Variants in EXOC5 observed in about 807,000 individuals in gnomAD.
The protein encoded by EXOC5 is SEC10-like 1.
In EXOC5, 17 loss-of-function variants were observed where a neutral mutation model predicts 90.8. That is an observed-to-expected ratio of 0.19 (90% CI 0.13 to 0.28). EXOC5 has a LOEUF of 0.28. Among genes scored for constraint, EXOC5 ranks in the 10% least tolerant of loss-of-function variants. The pLI is 1.00. For missense variants in EXOC5, 569 were observed against 830.6 expected (o/e 0.69, Z 3.87); for synonymous variants, 260 against 270.0 (o/e 0.96, Z 0.36).
At chr14:57,223,175 G>C (rs1257178494) in intron 12 of EXOC5, among the ~76,000 whole-genome samples, 1 of 152,028 alleles carries the variant, frequency 6.6e-6, no homozygotes, top group African/African-American at 2.4e-5. Flanking sequence ...TGCACATAGT[G>C]AGCTTACAAT....
chr14:57,231,609 A>G lies in EXOC5; in HGVS notation c.1045T>C (p.Tyr349His). ...AAATATCCAGTCTCCACCTCAATAT[A>G]GTTCTCCAAATAGGAAATGAAAATG... is the stretch of plus-strand genomic sequence containing the variant. ...KSIFISYLEN[Y>H]IEVETGYLKS... Residue 349 changes from tyrosine to histidine, a missense_variant, in exon 11 of 18, where the codon TAT becomes CAT. Tyr to His is a moderately conservative substitution (Grantham distance 83). This residue lies in a region of EXOC5 where 69 missense variants were observed against 115.5 expected (regional missense o/e 0.60). Transcript: ENST00000621441. 1.9e-6 allele frequency: 3 copies of G among 1,612,942 alleles called. No individual in the cohort carries two copies. The highest frequency in any genetic ancestry group is 2.5e-6 in the Non-Finnish European group (3 of 1,179,122).
In EXOC5 at chr14:57,203,554, T is replaced by C. The variant is rs1471666142; in HGVS notation, c.*5055A>G. On this transcript the variant is annotated 3_prime_UTR_variant, in exon 18 of 18. Coordinates refer to ENST00000621441, the MANE Select transcript of EXOC5 (RefSeq NM_006544.4). ...CAAAGAAAGTCACTCATTGGAACTA[T>C]AAATGAAACTTAGCTTTCTTATTCC... The C allele has an allele frequency of 6.6e-6, 1 of 152,640 alleles. No homozygotes were observed. The highest frequency in any genetic ancestry group is 6.5e-5 in the Admixed American group (1 of 15,270). The allele number at this position is 152,640 out of a possible 1,614,324, so 9.5% of individuals were successfully genotyped here. A position where few individuals can be genotyped will look rare whatever the true frequency, so the allele number is the denominator to read the frequency against.
Position 57,202,937 on chromosome 14 carries a change from G to A in EXOC5, c.*5672C>T, listed in dbSNP as rs1224984558. 1.3e-5 allele frequency: 2 copies of A among 152,112 alleles called. No individual in the cohort carries two copies. Among genetic ancestry groups the A allele is most frequent in the Admixed American group, 6.5e-5 (1 of 15,270 alleles). 9.4% of individuals were successfully genotyped at this position (152,112 alleles called of 1,614,324 possible). A position where few individuals can be genotyped will look rare whatever the true frequency, so the allele number is the denominator to read the frequency against. On this transcript the variant is annotated 3_prime_UTR_variant, in exon 18 of 18. Transcript: ENST00000621441. ...ACATTCTACTGGAGAACTTAAGAGA[G>A]GCACTTAGGTATTATTCCTTATAAA...
At chr14:57,227,693 T>C (rs1451498906) in intron 12 of EXOC5, among the ~76,000 whole-genome samples, 2 of 152,220 alleles carry the variant, frequency 1.3e-5, no homozygotes, top group African/African-American at 4.8e-5. Context: ...CTGAGTATTG[T>C]ACTAGTGATT....
intron 1 of EXOC5, among the ~76,000 whole-genome samples, chr14:57,248,967 T>C (rs1045110360): frequency 1.3e-5 from 2 of 152,052 alleles, no homozygotes; most frequent in African/African-American, 4.8e-5. Flanking sequence ...AATTGAGAAA[T>C]ATTGACTCAA....
chr14:57,233,496 A>C (rs1594663754), intron 9 of EXOC5, among the ~76,000 whole-genome samples: 2 of 152,068 alleles, frequency 1.3e-5, no homozygotes, highest in South Asian at 2.1e-4. Flanking sequence ...ACAATATATT[A>C]TACTACTACT....
intron 12 of EXOC5, among the ~76,000 whole-genome samples, chr14:57,228,318 A>G (rs1033688607): frequency 1.3e-5 from 2 of 152,184 alleles, no homozygotes; most frequent in African/African-American, 4.8e-5. Context: ...ATCTAGAACC[A>G]GAATTACCAT....
At chr14:57,230,363 G>T (rs538135600) in intron 11 of EXOC5, among the ~76,000 whole-genome samples, 1 of 151,852 alleles carries the variant, frequency 6.6e-6, no homozygotes, top group Admixed American at 6.6e-5. Flanking sequence ...CACTTATATG[G>T]GGTATCTTTG....
intron 15 of EXOC5, 46 bp from the exon 16 acceptor site, chr14:57,210,107 CTATGTT>C (rs763973220): frequency 2.7e-5 from 21 of 767,954 alleles, no homozygotes; most frequent in Middle Eastern, 2.5e-4. Context: ...CTAACTTACT[CTATGTT>C]TATGTTTAAT....
chr14:57,243,422 T>G (rs1035439626), intron 4 of EXOC5: 3 of 152,190 alleles, frequency 2.0e-5, no homozygotes, highest in Admixed American at 1.3e-4. Flanking sequence ...ATCTGAAATA[T>G]TCTATGGAGT....
At chr14:57,264,332 C>T (rs888585570) in intron 1 of EXOC5, among the ~76,000 whole-genome samples, 2 of 152,200 alleles carry the variant, frequency 1.3e-5, no homozygotes, top group African/African-American at 2.4e-5. Flanking sequence ...TCATTTTCAA[C>T]AACTCTGTTT....
At chr14:57,265,570 T>A (rs929421552) in intron 1 of EXOC5, among the ~76,000 whole-genome samples, 5 of 152,082 alleles carry the variant, frequency 3.3e-5, no homozygotes, top group Non-Finnish European at 7.4e-5. Flanking sequence ...AAAAAATTTT[T>A]AAAAATCAGC....
In EXOC5 at chr14:57,204,727, CTT is replaced by C. The variant is rs767879793; in HGVS notation, c.*3880_*3881del. On this transcript the variant is annotated 3_prime_UTR_variant, in exon 18 of 18. Transcript: ENST00000621441. ...TAGACATATTTCTATTAGGTACAAA[CTT>C]AACATTAAAATTTCATGACCACTTA... The C allele has an allele frequency of 6.6e-6, 1 of 152,274 alleles. No individual in the cohort carries two copies. Among genetic ancestry groups the C allele is most frequent in the Admixed American group, 6.6e-5 (1 of 15,218 alleles). The allele number at this position is 152,274 out of a possible 1,614,324, so 9.4% of individuals were successfully genotyped here. A position where few individuals can be genotyped will look rare whatever the true frequency, so the allele number is the denominator to read the frequency against.
At chr14:57,227,466 T>C (rs1883343261) in intron 12 of EXOC5, among the ~76,000 whole-genome samples, 1 of 152,160 alleles carries the variant, frequency 6.6e-6, no homozygotes, top group Admixed American at 6.5e-5. Flanking sequence ...TTTTTCACCA[T>C]GAAAAAAATG....
intron 1 of EXOC5, among the ~76,000 whole-genome samples, chr14:57,249,777 A>G (rs1407171748): frequency 6.6e-6 from 1 of 151,890 alleles, no homozygotes; most frequent in Non-Finnish European, 1.5e-5. Flanking sequence ...TGATTTACTT[A>G]TTTATTTTTT....
At chr14:57,213,382 T>G (rs1882881768) in intron 15 of EXOC5, among the ~76,000 whole-genome samples, 1 of 151,824 alleles carries the variant, frequency 6.6e-6, no homozygotes, top group African/African-American at 2.4e-5. Flanking sequence ...ATCATATCTC[T>G]AAACAAATTT....
intron 1 of EXOC5, among the ~76,000 whole-genome samples, chr14:57,260,911 T>C (rs553947631): frequency 6.6e-6 from 1 of 152,344 alleles, no homozygotes; most frequent in African/African-American, 2.4e-5. Flanking sequence ...TTAAGTGTAT[T>C]GCCAAATACA....
rs1882565417 is a variant in EXOC5 at position 57,203,739 on chromosome 14, G to C, written c.*4870C>G. 6.6e-6 allele frequency: 1 copy of C among 152,434 alleles called. No homozygotes were observed. The highest frequency in any genetic ancestry group is 1.5e-5 in the Non-Finnish European group (1 of 67,992). The allele number at this position is 152,434 out of a possible 1,614,324, so 9.4% of individuals were successfully genotyped here. ...GTTTCAGACTTTTAAATTAAAAGTG[G>C]CTCAGTTGGATACTGTCTCTTAAAC... On this transcript the variant is annotated 3_prime_UTR_variant, in exon 18 of 18. Transcript: ENST00000621441.
At chr14:57,210,241 G>C (rs1882786648) in intron 15 of EXOC5, among the ~76,000 whole-genome samples, 180 bp from the exon 16 acceptor site, 1 of 152,080 alleles carries the variant, frequency 6.6e-6, no homozygotes, top group Non-Finnish European at 1.5e-5. Context: ...ATATGAAAGA[G>C]CTCTTGGTTT....
Sources: allele counts gnomAD v4.1 joint callset (sites outside exome capture counted in the v4.1 genomes callset), GRCh38; gene constraint gnomAD v4.1.1; regional missense constraint gnomAD v4.1.1; transcripts MANE v1.5; gene names NCBI Gene and HGNC (gene_info 2026-07-23, HGNC 2026-07-21).